CDKL5: variants seen among roughly 807,000 people sequenced by gnomAD.
The protein encoded by CDKL5 is cyclin-dependent kinase-like 5.
CDKL5 carries 8 observed loss-of-function variants against 61.7 expected under a neutral mutation model. The observed-to-expected ratio is 0.13, with a 90% CI of 0.08 to 0.23. The LOEUF is 0.23. CDKL5 is among the 10% of genes least tolerant of loss of function. The probability of loss-of-function intolerance (pLI) is 1.00; values close to 1 mark genes in which losing one functional copy is unlikely to be tolerated. For synonymous variants in CDKL5, 275 were observed against 272.3 expected (o/e 1.01, Z -0.10); for missense variants, 440 against 734.5 (o/e 0.60, Z 4.63).
chrX:18,557,978 AT>A (rs935560720), intron 3 of CDKL5, among the ~76,000 whole-genome samples: 168 of 107,476 alleles, frequency 1.6e-3, no homozygotes, highest in African/African-American at 5.0e-3. Context: ...TCTCTTTCTG[AT>A]TTTTTTTTTC....
At chrX:18,554,172 C>T (rs948483223) in intron 3 of CDKL5, among the ~76,000 whole-genome samples, 5 of 106,861 alleles carry the variant, frequency 4.7e-5, no homozygotes, top group African/African-American at 6.8e-5. Flanking sequence ...CCCATTAACT[C>T]GTCATTTACA....
intron 1 of CDKL5, among the ~76,000 whole-genome samples, chrX:18,454,523 C>T (rs1173898195): frequency 2.8e-5 from 3 of 107,732 alleles, no homozygotes; most frequent in Non-Finnish European, 5.7e-5. Flanking sequence ...GTGTGAGCCA[C>T]CGTGCCCAGC....
At chrX:18,433,417 G>A (rs1355985238) in intron 1 of CDKL5, among the ~76,000 whole-genome samples, 1 of 111,165 alleles carries the variant, frequency 9.0e-6, no homozygotes, top group East Asian at 2.8e-4. Flanking sequence ...GGGCCTGGTG[G>A]CGCATGCCTA....
chrX:18,438,789 C>CAAAAA (rs1196032367), intron 1 of CDKL5, among the ~76,000 whole-genome samples: 1 of 29,448 alleles, frequency 3.4e-5, no homozygotes, highest in Admixed American at 4.0e-4. Flanking sequence ...ACCTCCGTCT[C>CAAAAA]AAAAAAAAAA....
intron 5 of CDKL5, among the ~76,000 whole-genome samples, chrX:18,577,051 CA>C: frequency 9.0e-6 from 1 of 110,936 alleles, no homozygotes; most frequent in Non-Finnish European, 1.9e-5. Flanking sequence ...TGCGCGCCAC[CA>C]TGCCTGGCTG....
chrX:18,618,908 G>A (rs1416331778), intron 15 of CDKL5, among the ~76,000 whole-genome samples: 1 of 111,235 alleles, frequency 9.0e-6, no homozygotes, highest in African/African-American at 3.3e-5. Context: ...GGTGGAGGTT[G>A]CAGTGAGCCA....
chrX:18,650,424 T>C, exon 21 of CDKL5: 7 of 1,211,991 alleles, frequency 5.8e-6, no homozygotes, highest in Non-Finnish European at 7.8e-6. Flanking sequence ...ATACTTCTGC[T>C]GTGGTGACCC....
chrX:18,507,205 G>A (rs1204914672), intron 2 of CDKL5, 45 bp downstream of exon 2: 19 of 883,153 alleles, frequency 2.2e-5, no homozygotes, highest in Non-Finnish European at 2.8e-5. Context: ...GCAATGAACA[G>A]TTAGTTATTC....
intron 1 of CDKL5, among the ~76,000 whole-genome samples, chrX:18,454,130 G>T (rs1932085519): frequency 9.0e-6 from 1 of 111,696 alleles, no homozygotes; most frequent in South Asian, 3.7e-4. Flanking sequence ...TTATTCGATG[G>T]TTTGGAGTCC....
chrX:18,479,314 CTT>C (rs761687087), intron 1 of CDKL5, among the ~76,000 whole-genome samples: 31 of 66,543 alleles, frequency 4.7e-4, no homozygotes, highest in African/African-American at 1.8e-3. Flanking sequence ...GCCACTATTT[CTT>C]TTTTTTTTTT....
chrX:18,497,135 G>A (rs1407480069), intron 1 of CDKL5, among the ~76,000 whole-genome samples: 1 of 110,520 alleles, frequency 9.0e-6, no homozygotes, highest in African/African-American at 3.3e-5. Flanking sequence ...TGGGATTGCA[G>A]ACATACGCCA....
chrX:18,647,874 G>A, intron 20 of CDKL5, among the ~76,000 whole-genome samples: 1 of 103,226 alleles, frequency 9.7e-6, no homozygotes, highest in Non-Finnish European at 2.0e-5. Context: ...GTAAATTGCA[G>A]TTTTCTCACC....
At chrX:18,490,718 TTA>T (rs1921967008) in intron 1 of CDKL5, among the ~76,000 whole-genome samples, 2 of 112,270 alleles carry the variant, frequency 1.8e-5, no homozygotes, top group African/African-American at 6.5e-5. Flanking sequence ...TTGAATGCTT[TTA>T]TCAATTAATG....
intron 3 of CDKL5, among the ~76,000 whole-genome samples, chrX:18,556,815 G>A (rs1483919049): frequency 9.8e-6 from 1 of 102,492 alleles, no homozygotes; most frequent in Non-Finnish European, 2.0e-5. Flanking sequence ...TCTGGGAGGC[G>A]GAGGTTGAAG....
intron 21 of CDKL5, chrX:18,653,281 T>C (rs1928124453): frequency 1.2e-5 from 13 of 1,079,677 alleles, no homozygotes; most frequent in Non-Finnish European, 1.6e-5. Context: ...AGACAGAGCT[T>C]TTAGTATTTT....
chrX:18,506,751 G>A (rs1922592385), intron 1 of CDKL5, among the ~76,000 whole-genome samples, 184 bp from the exon 2 acceptor site: 1 of 111,854 alleles, frequency 8.9e-6, no homozygotes, highest in South Asian at 3.7e-4. Flanking sequence ...ATACAGAGAG[G>A]TTCATTTGTT....
chrX:18,556,946 C>T (rs913102387), intron 3 of CDKL5, among the ~76,000 whole-genome samples: 5 of 106,377 alleles, frequency 4.7e-5, no homozygotes, highest in Non-Finnish European at 7.7e-5. Flanking sequence ...GGCTGAGAAG[C>T]GATAAAGTAG....
chrX:18,534,101 C>T (rs1050827445), intron 3 of CDKL5, among the ~76,000 whole-genome samples: 2 of 112,012 alleles, frequency 1.8e-5, no homozygotes, highest in Non-Finnish European at 3.8e-5. Context: ...TTGCCTACTA[C>T]CTGGTAACCT....
At chrX:18,644,805 T>A (rs189534862), downstream of CDKL5, among the ~76,000 whole-genome samples, 25 of 112,555 alleles carry the variant, frequency 2.2e-4, no homozygotes, top group South Asian at 3.7e-4. Context: ...ATACTTAACT[T>A]GCATCTCATT....
Sources: allele counts gnomAD v4.1 joint callset (sites outside exome capture counted in the v4.1 genomes callset), GRCh38; gene constraint gnomAD v4.1.1; transcripts MANE v1.5; gene names NCBI Gene and HGNC (gene_info 2026-07-23, HGNC 2026-07-21).